The following FAM13C variants were observed in gnomAD, a reference collection of about 807,000 sequenced individuals.
The protein encoded by FAM13C is protein FAM13C.
A neutral mutation model predicts 73.2 loss-of-function variants in FAM13C; 37 were observed. The ratio of observed to expected loss-of-function variants is 0.51; its 90% confidence interval spans 0.39 to 0.67. The LOEUF is 0.67. Among genes scored for constraint, FAM13C ranks in the 30% least tolerant of loss-of-function variants. The pLI is 0.00. For synonymous variants in FAM13C, 246 were observed against 260.9 expected (o/e 0.94, Z 0.55); for missense variants, 589 against 715.6 (o/e 0.82, Z 2.02).
chr10:59,250,725 T>A (rs1589330120), intron 13 of FAM13C, among the ~76,000 whole-genome samples: 1 of 149,104 alleles, frequency 6.7e-6, no homozygotes, highest in African/African-American at 2.4e-5. Flanking sequence ...AATGATGAGT[T>A]TATGAGTTGA....
At chr10:59,317,762 A>G (rs1278847326) in intron 4 of FAM13C, among the ~76,000 whole-genome samples, 1 of 151,594 alleles carries the variant, frequency 6.6e-6, no homozygotes, top group Non-Finnish European at 1.5e-5. Flanking sequence ...TTATTATTAT[A>G]CTTTAAGTTT....
In FAM13C at chr10:59,246,582, T is replaced by C. The variant is rs1486783262; in HGVS notation, c.*1032A>G. 2.5e-6 allele frequency: 1 copy of C among 397,148 alleles called. No homozygotes were observed. The highest frequency in any genetic ancestry group is 4.4e-6 in the Non-Finnish European group (1 of 224,888). The allele number at this position is 397,148 out of a possible 1,614,324, so 24.6% of individuals were successfully genotyped here. On this transcript the variant is annotated 3_prime_UTR_variant, in exon 14 of 14. Coordinates refer to ENST00000618804, the MANE Select transcript of FAM13C (RefSeq NM_198215.4). ...TGAAAATAATAAACATGTTTTCGTATAAAATAACACAAAATGATATACACT... is the reference window on the plus strand; with the variant it reads ...TGAAAATAATAAACATGTTTTCGTACAAAATAACACAAAATGATATACACT...
At chr10:59,338,400 G>A (rs924131348) in intron 3 of FAM13C, among the ~76,000 whole-genome samples, 3 of 152,168 alleles carry the variant, frequency 2.0e-5, no homozygotes, top group Non-Finnish European at 4.4e-5. Flanking sequence ...AATGTCGGTT[G>A]TTAAAGGAAT....
intron 3 of FAM13C, among the ~76,000 whole-genome samples, chr10:59,343,044 T>A (rs1853718048): frequency 6.6e-6 from 1 of 152,196 alleles, no homozygotes; most frequent in South Asian, 2.1e-4. Context: ...TGAATCAAAT[T>A]TTAAAATGTC....
At chr10:59,285,396 A>AAT (rs201851853) in intron 5 of FAM13C, among the ~76,000 whole-genome samples, 102 of 138,612 alleles carry the variant, frequency 7.4e-4, no homozygotes, top group African/African-American at 3.0e-3. Context: ...CTGGGAGGCA[A>AAT]ACAAAGATTC....
At chr10:59,268,232 G>A (rs79219107) in intron 8 of FAM13C, among the ~76,000 whole-genome samples, 3 of 92,764 alleles carry the variant, frequency 3.2e-5, no homozygotes, top group African/African-American at 1.5e-4. Flanking sequence ...AGAAAAAGAA[G>A]AAGAAGAAGA....
At chr10:59,299,160 T>A (rs1398145387) in intron 5 of FAM13C, among the ~76,000 whole-genome samples, 1 of 152,222 alleles carries the variant, frequency 6.6e-6, no homozygotes, top group South Asian at 2.1e-4. Context: ...GTGTTGAATA[T>A]GCAAATTTGC....
At chr10:59,308,244 C>T (rs980518060) in intron 4 of FAM13C, among the ~76,000 whole-genome samples, 2 of 152,168 alleles carry the variant, frequency 1.3e-5, no homozygotes, top group Admixed American at 6.5e-5. Context: ...GCAGCCTGCA[C>T]TCCTCAGAGC....
intron 4 of FAM13C, among the ~76,000 whole-genome samples, chr10:59,314,488 T>A (rs1849294279): frequency 6.6e-6 from 1 of 152,232 alleles, no homozygotes; most frequent in Admixed American, 6.5e-5. Flanking sequence ...TGCCAAGGCC[T>A]TTCCTCTTTA....
At chr10:59,303,769 A>ATT (rs2133871660) in intron 4 of FAM13C, among the ~76,000 whole-genome samples, 1 of 152,202 alleles carries the variant, frequency 6.6e-6, no homozygotes, top group East Asian at 1.9e-4. Context: ...ATTTGTTCCC[A>ATT]TTGTGGTTTT....
intron 8 of FAM13C, among the ~76,000 whole-genome samples, chr10:59,267,008 G>A (rs191186915): frequency 6.8e-4 from 104 of 152,216 alleles, no homozygotes; most frequent in Non-Finnish European, 2.4e-4. Flanking sequence ...TTAAGAAGTC[G>A]CTACCTAATA....
intron 13 of FAM13C, among the ~76,000 whole-genome samples, chr10:59,249,105 C>T (rs1841045323): frequency 6.6e-6 from 1 of 152,010 alleles, no homozygotes; most frequent in Non-Finnish European, 1.5e-5. Context: ...TCCATTTTGG[C>T]TAATAAGAGT....
At chr10:59,362,263 G>T (rs139140287) in intron 1 of FAM13C, 136 bp downstream of exon 1, 50 of 1,233,868 alleles carry the variant, frequency 4.1e-5, no homozygotes, top group Non-Finnish European at 5.0e-5. Flanking sequence ...CACGTCTCAC[G>T]GTCTTCACAG....
chr10:59,308,579 C>CACCA (rs1204163548), intron 4 of FAM13C, among the ~76,000 whole-genome samples: 1 of 151,986 alleles, frequency 6.6e-6, no homozygotes, highest in African/African-American at 2.4e-5. Context: ...CCATCACCAC[C>CACCA]ACCAGCACCA....
At chr10:59,354,072 C>G (rs1010256564) in intron 2 of FAM13C, among the ~76,000 whole-genome samples, 1 of 151,346 alleles carries the variant, frequency 6.6e-6, no homozygotes, top group South Asian at 2.1e-4. Flanking sequence ...GCTGCCTTTA[C>G]AGTTACCTAA....
chr10:59,293,546 C>T (rs1400064721), intron 5 of FAM13C, among the ~76,000 whole-genome samples: 4 of 152,062 alleles, frequency 2.6e-5, no homozygotes, highest in Admixed American at 2.0e-4. Flanking sequence ...ATATAAGTAC[C>T]ATATTTTCTT....
intron 3 of FAM13C, among the ~76,000 whole-genome samples, chr10:59,328,566 G>C (rs1851497645): frequency 6.6e-6 from 1 of 152,118 alleles, no homozygotes. Context: ...CATCTTCTCT[G>C]TCTGAAAGTC....
chr10:59,292,083 T>C (rs1296087743), intron 5 of FAM13C, among the ~76,000 whole-genome samples: 1 of 152,184 alleles, frequency 6.6e-6, no homozygotes, highest in Non-Finnish European at 1.5e-5. Context: ...CCACTGCGCC[T>C]GACCTATAAA....
chr10:59,260,853 C>T lies in FAM13C; in HGVS notation c.1236+1581G>A, dbSNP rs576018291. Among the ~76,000 whole-genome samples, 4 of 152,220 alleles carry T rather than the reference C, an allele frequency of 2.6e-5. No individual in the cohort carries two copies. The South Asian group carries it at 8.3e-4, about 32-fold the overall frequency. On this transcript the variant is annotated intron_variant, in intron 10 of 13. Coordinates refer to ENST00000618804, the MANE Select transcript of FAM13C (RefSeq NM_198215.4). The stretch of plus-strand genomic sequence containing the variant: ...AGTCAGTAGGCTTCTCTCTTATTGT[C>T]ATGATAATTATATAAGTAGGTATTA...
Sources: gnomAD v4.1 joint callset for allele counts (sites outside exome capture counted in the v4.1 genomes callset) on GRCh38, gnomAD v4.1.1 for gene constraint, MANE v1.5 for transcripts, NCBI Gene and HGNC (gene_info 2026-07-23, HGNC 2026-07-21) for gene names.